LIN54: variants seen among roughly 807,000 people sequenced by gnomAD.
The protein encoded by LIN54 is protein lin-54 homolog.
In LIN54, 9 loss-of-function variants were observed where a neutral mutation model predicts 78.7. The ratio of observed to expected loss-of-function variants is 0.11; its 90% confidence interval spans 0.07 to 0.20. The LOEUF (loss-of-function observed/expected upper bound fraction) is 0.20, where lower values mean the gene tolerates loss of function less well. Among genes scored for constraint, LIN54 ranks in the 10% least tolerant of loss-of-function variants. LIN54 has a pLI of 1.00. For synonymous variants in LIN54, 269 were observed against 318.4 expected, an observed-to-expected ratio of 0.84 and a Z score of 1.65; for missense variants, 573 against 889.9, an observed-to-expected ratio of 0.64 and a Z score of 4.53.
At chr4:83,005,626 GAAAAAAA>G (rs34604804) in intron 1 of LIN54, among the ~76,000 whole-genome samples, 3 of 104,622 alleles carry the variant, frequency 2.9e-5, no homozygotes, top group African/African-American at 1.1e-4. Context: ...CTCCATCTCA[GAAAAAAA>G]AAAAAAAAAA....
intron 4 of LIN54, among the ~76,000 whole-genome samples, chr4:82,967,250 A>G (rs944117614): frequency 6.6e-6 from 1 of 152,112 alleles, no homozygotes; most frequent in African/African-American, 2.4e-5. Flanking sequence ...AAAAGAAAAA[A>G]AAGGAAAAAA....
chr4:82,991,611 TGTTA>T (rs1467504484), intron 1 of LIN54, among the ~76,000 whole-genome samples: 2 of 152,222 alleles, frequency 1.3e-5, no homozygotes, highest in Non-Finnish European at 1.5e-5. Context: ...TAATCTTATC[TGTTA>T]GTTATAGGTT....
intron 1 of LIN54, among the ~76,000 whole-genome samples, chr4:83,002,366 C>T (rs1238772168): frequency 7.9e-6 from 1 of 125,808 alleles, no homozygotes; most frequent in Non-Finnish European, 1.6e-5. Context: ...GACCTCACCT[C>T]TAAAAAAAAA....
chr4:82,978,844 GATAA>G, intron 3 of LIN54, 35 bp downstream of exon 3: 1 of 1,283,536 alleles, frequency 7.8e-7, no homozygotes, highest in Non-Finnish European at 1.1e-6. Flanking sequence ...CTAAAAGGAA[GATAA>G]ATATTTAGCT....
rs748813792 is a variant in LIN54, at chr4:82,937,198, A to G, written c.1604+29T>C. 3 of 1,077,926 alleles carry G rather than the reference A, an allele frequency of 2.8e-6. No homozygotes were observed. The East Asian group carries it at 7.1e-5, about 25-fold the overall frequency. The allele number at this position is 1,077,926 out of a possible 1,614,324, so 66.8% of individuals were successfully genotyped here. ...TTTAAGTGCATTTCTAATTACATTA[A>G]ATAAGCAAACAGTTGCAAAAACACT... is the stretch of plus-strand genomic sequence containing the variant. On this transcript the variant is annotated intron_variant, in intron 9 of 12. Transcript: ENST00000340417.
At chr4:82,958,060 T>C (rs1345359633) in intron 4 of LIN54, among the ~76,000 whole-genome samples, 3 of 152,228 alleles carry the variant, frequency 2.0e-5, no homozygotes, top group South Asian at 2.1e-4. Context: ...TGCTGAACCA[T>C]TGCAAGCTGT....
At chr4:83,011,811 T>TAA (rs70943185), upstream of LIN54, among the ~76,000 whole-genome samples, 20 of 135,784 alleles carry the variant, frequency 1.5e-4, no homozygotes, top group South Asian at 4.8e-4. Flanking sequence ...AGATCAGCAT[T>TAA]AAAAAAAAAA....
At position 82,996,626 on chromosome 4, in the gene LIN54, G is replaced by A. The variant is rs933953246; in HGVS notation, c.-32-11750C>T. Among the ~76,000 whole-genome samples, 8 of 151,918 alleles carry A rather than the reference G, an allele frequency of 5.3e-5. No individual in the cohort carries two copies. The East Asian group carries it at 1.6e-3, about 29-fold the overall frequency. ...TCACCATGTTGGCCAGGCTGGTCTC[G>A]AACTCTTGACCTCATGATCCACCCA... On this transcript the variant is annotated intron_variant, in intron 1 of 12. Transcript: ENST00000340417.
At chr4:82,947,294 G>A (rs1723475916) in intron 4 of LIN54, among the ~76,000 whole-genome samples, 1 of 135,470 alleles carries the variant, frequency 7.4e-6, no homozygotes, top group South Asian at 2.3e-4. Flanking sequence ...GTGCAGTAGT[G>A]CAATAACGGC....
At chr4:83,010,456 A>C in intron 1 of LIN54, 28 bp downstream of exon 1, 1 of 992,746 alleles carries the variant, frequency 1.0e-6, no homozygotes, top group Non-Finnish European at 1.2e-6. Flanking sequence ...CGGACAGAGA[A>C]GCCCTCGGGT....
intron 2 of LIN54, among the ~76,000 whole-genome samples, chr4:82,980,032 A>G (rs1189747233): frequency 6.6e-6 from 1 of 151,456 alleles, no homozygotes; most frequent in Non-Finnish European, 1.5e-5. Flanking sequence ...CTGCAGCCTC[A>G]AACTCCTGGG....
intron 6 of LIN54, 21 bp downstream of exon 6, chr4:82,939,868 A>G: frequency 6.2e-7 from 1 of 1,605,490 alleles, no homozygotes; most frequent in South Asian, 1.1e-5. Flanking sequence ...AAGACTGAGA[A>G]AGAAGTTATG....
At chr4:83,004,355 C>T (rs1011739989) in intron 1 of LIN54, among the ~76,000 whole-genome samples, 8 of 140,526 alleles carry the variant, frequency 5.7e-5, no homozygotes, top group Non-Finnish European at 9.0e-5. Context: ...GCCAAGATCG[C>T]GCCACTGTAC....
rs1453237149 is a variant in LIN54 at position 83,010,554 on chromosome 4, G to T, written c.-103C>A. ...GCTCCAGAAGGTCCTGGGCAATCCCGAGCCCCGGCGGGGCTTGTTTTGCCC... is the reference window on the plus strand; with the variant it reads ...GCTCCAGAAGGTCCTGGGCAATCCCTAGCCCCGGCGGGGCTTGTTTTGCCC... On this transcript the variant is annotated 5_prime_UTR_variant, in exon 1 of 13. Transcript: ENST00000340417. 1.2e-5 allele frequency: 14 copies of T among 1,210,134 alleles called. No homozygotes were observed. Among genetic ancestry groups the T allele is most frequent in the Non-Finnish European group, 1.4e-5 (14 of 974,588 alleles). The allele number at this position is 1,210,134 out of a possible 1,614,324, so 75.0% of individuals were successfully genotyped here.
Position 82,973,756 on chromosome 4 carries a change from G to A in LIN54, c.809-3287C>T, listed in dbSNP as rs1169528470. Among the ~76,000 whole-genome samples, 5 of 152,150 alleles carry A rather than the reference G, an allele frequency of 3.3e-5. No homozygotes were observed. The East Asian group carries it at 9.6e-4, about 29-fold the overall frequency. On this transcript the variant is annotated intron_variant, in intron 3 of 12. Transcript: ENST00000340417. ...TGGTATCTACATTTTACTAAACTAA[G>A]ATGAACAAAATAATGTATTTACCGA... is the stretch of plus-strand genomic sequence containing the variant.
rs184960176 is a variant in LIN54, at chr4:82,967,025, C to T, written c.951+3302G>A. 2.5e-4 allele frequency among the ~76,000 whole-genome samples: 38 copies of T among 151,938 alleles called. 2 individuals carry two copies. The East Asian group carries it at 4.9e-3, about 20-fold the overall frequency. Reference sequence around the variant, plus strand: ...CAGGCAGATCATGAGGTCAGGAGATCGAGACCCTCCTGGACGACATGGTGA... The same window carrying T: ...CAGGCAGATCATGAGGTCAGGAGATTGAGACCCTCCTGGACGACATGGTGA... On this transcript the variant is annotated intron_variant, in intron 4 of 12. Coordinates refer to ENST00000340417, the MANE Select transcript of LIN54 (RefSeq NM_194282.4).
At chr4:82,967,492 G>A (rs1280558185) in intron 4 of LIN54, among the ~76,000 whole-genome samples, 1 of 152,184 alleles carries the variant, frequency 6.6e-6, no homozygotes, top group Non-Finnish European at 1.5e-5. Flanking sequence ...GGTTCTAGAA[G>A]TTTCCCACTG....
chr4:82,938,513 A>G lies in LIN54; in HGVS notation c.1441-9T>C. The G allele has an allele frequency of 1.3e-6, 2 of 1,507,968 alleles. No individual in the cohort carries two copies. Among genetic ancestry groups the G allele is most frequent in the East Asian group, 4.5e-5 (2 of 44,288 alleles). 93.4% of individuals were successfully genotyped at this position (1,507,968 alleles called of 1,614,324 possible). Reference sequence around the variant, plus strand: ...TATGAAGACTGCTGTAGCTACATGTAAAGAAAATTAATTTTAGATCATATT... The same window carrying G: ...TATGAAGACTGCTGTAGCTACATGTGAAGAAAATTAATTTTAGATCATATT... On this transcript the variant is annotated splice_polypyrimidine_tract_variant and intron_variant, in intron 7 of 12. Coordinates refer to ENST00000340417, the MANE Select transcript of LIN54 (RefSeq NM_194282.4).
chr4:82,980,325 T>C (rs775148579), intron 2 of LIN54, among the ~76,000 whole-genome samples: 1 of 152,024 alleles, frequency 6.6e-6, no homozygotes, highest in Non-Finnish European at 1.5e-5. Flanking sequence ...GCAATGAAAA[T>C]TGAGACTGTA....
Sources: gnomAD v4.1 joint callset for allele counts (sites outside exome capture counted in the v4.1 genomes callset) on GRCh38, gnomAD v4.1.1 for gene constraint, MANE v1.5 for transcripts, NCBI Gene and HGNC (gene_info 2026-07-23, HGNC 2026-07-21) for gene names.